The following PLA2G4A variants were observed in gnomAD, a reference collection of about 807,000 sequenced individuals.
PLA2G4A encodes cytosolic phospholipase A2.
Under a neutral mutation model 81.9 loss-of-function variants are expected in PLA2G4A, and 40 were observed. That is an observed-to-expected ratio of 0.49 (90% CI 0.38 to 0.64). The LOEUF (loss-of-function observed/expected upper bound fraction) is 0.64. PLA2G4A is among the 30% of genes least tolerant of loss of function. The pLI is 0.00. For missense variants in PLA2G4A, 715 were observed against 905.1 expected (o/e 0.79, Z 2.69); for synonymous variants, 302 against 296.9 (o/e 1.02, Z -0.18).
At chr1:186,918,703 C>G (rs893086962) in intron 7 of PLA2G4A, among the ~76,000 whole-genome samples, 1 of 152,212 alleles carries the variant, frequency 6.6e-6, no homozygotes, top group Admixed American at 6.5e-5. Context: ...GTTATGCTCG[C>G]CCGGGCTCTC....
At chr1:186,880,149 G>A (rs1464796009) in intron 3 of PLA2G4A, among the ~76,000 whole-genome samples, 2 of 152,008 alleles carry the variant, frequency 1.3e-5, no homozygotes. Context: ...AGTGTGTGGG[G>A]TAAGTGGGAA....
At chr1:186,856,970 A>C (rs1652575201) in intron 2 of PLA2G4A, among the ~76,000 whole-genome samples, 1 of 147,986 alleles carries the variant, frequency 6.8e-6, no homozygotes, top group Non-Finnish European at 1.5e-5. Context: ...ATTTCAAAAA[A>C]TATGATTATT....
At chr1:186,848,540 T>A (rs1652266362) in intron 1 of PLA2G4A, among the ~76,000 whole-genome samples, 1 of 152,174 alleles carries the variant, frequency 6.6e-6, no homozygotes, top group South Asian at 2.1e-4. Context: ...TCCTTTTTCT[T>A]TTCTTCCTTT....
chr1:186,943,356 A>T (rs942072544), intron 10 of PLA2G4A, among the ~76,000 whole-genome samples: 1 of 152,260 alleles, frequency 6.6e-6, no homozygotes, highest in Non-Finnish European at 1.5e-5. Flanking sequence ...TCCACTGGTG[A>T]ATAAACTGCA....
chr1:186,854,784 A>G (rs1399546473), intron 2 of PLA2G4A, among the ~76,000 whole-genome samples: 4 of 151,964 alleles, frequency 2.6e-5, no homozygotes, highest in Non-Finnish European at 4.4e-5. Context: ...AGGGCAATTA[A>G]TTCTATAAAC....
chr1:186,935,148 A>G (rs1390498980), intron 8 of PLA2G4A, among the ~76,000 whole-genome samples: 1 of 152,010 alleles, frequency 6.6e-6, no homozygotes, highest in African/African-American at 2.4e-5. Context: ...TGTTTTAATA[A>G]TGTTGAAAAT....
chr1:186,908,659 A>G (rs935128928), intron 6 of PLA2G4A, among the ~76,000 whole-genome samples: 7 of 152,004 alleles, frequency 4.6e-5, no homozygotes, highest in African/African-American at 1.7e-4. Context: ...TAAATAGATT[A>G]TAGTATACTA....
Position 186,950,862 on chromosome 1 carries a change from T to C in PLA2G4A, c.1336+134T>C, listed in dbSNP as rs1307279899. ...GAAGTGATAAAATTGTAGCTTTCTG[T>C]TGAGAGAGAGGATTGCATGTTGCAT... is the stretch of plus-strand genomic sequence containing the variant. On this transcript the variant is annotated intron_variant, in intron 13 of 17. Coordinates refer to ENST00000367466, the MANE Select transcript of PLA2G4A (RefSeq NM_024420.3). The C allele has an allele frequency of 4.4e-6, 3 of 681,336 alleles. No homozygotes were observed. The East Asian group carries it at 8.4e-5, about 19-fold the overall frequency. 42.2% of individuals were successfully genotyped at this position (681,336 alleles called of 1,614,324 possible).
intron 16 of PLA2G4A, among the ~76,000 whole-genome samples, chr1:186,978,330 T>C (rs1657603116): frequency 6.6e-6 from 1 of 152,168 alleles, no homozygotes; most frequent in Non-Finnish European, 1.5e-5. Flanking sequence ...CTGGAAAATG[T>C]TGATTAACCA....
chr1:186,957,007 G>A (rs1656777586), intron 14 of PLA2G4A, among the ~76,000 whole-genome samples: 1 of 151,798 alleles, frequency 6.6e-6, no homozygotes, highest in Non-Finnish European at 1.5e-5. Context: ...TGGACAACAT[G>A]GTGAAACCCC....
chr1:186,898,836 T>A (rs953959427), intron 5 of PLA2G4A, among the ~76,000 whole-genome samples: 4 of 152,230 alleles, frequency 2.6e-5, no homozygotes, highest in Non-Finnish European at 5.9e-5. Flanking sequence ...ATCTAGAGTT[T>A]AATATTTATG....
chr1:186,946,000 A>C (rs994176490), intron 10 of PLA2G4A, among the ~76,000 whole-genome samples: 2 of 152,146 alleles, frequency 1.3e-5, no homozygotes, highest in African/African-American at 4.8e-5. Context: ...GACAGAGAGA[A>C]TAATACCCAA....
intron 15 of PLA2G4A, among the ~76,000 whole-genome samples, chr1:186,976,171 A>G (rs1478098320): frequency 6.6e-6 from 1 of 152,194 alleles, no homozygotes; most frequent in Non-Finnish European, 1.5e-5. Context: ...AAAAACCATG[A>G]ATGTTTTACT....
chr1:186,943,348 C>T (rs1645732704), intron 10 of PLA2G4A, among the ~76,000 whole-genome samples: 1 of 152,144 alleles, frequency 6.6e-6, no homozygotes, highest in South Asian at 2.1e-4. Context: ...TAAAAATTTC[C>T]ACTGGTGAAT....
intron 6 of PLA2G4A, among the ~76,000 whole-genome samples, chr1:186,907,789 T>C (rs139521246): frequency 1.3e-5 from 2 of 152,252 alleles, no homozygotes; most frequent in African/African-American, 4.8e-5. Context: ...CCCTGGAACA[T>C]GTGGATTTGA....
At chr1:186,942,149 A>C (rs1656175931) in intron 10 of PLA2G4A, among the ~76,000 whole-genome samples, 1 of 152,190 alleles carries the variant, frequency 6.6e-6, no homozygotes, top group Non-Finnish European at 1.5e-5. Context: ...CTCAATGGCA[A>C]CAAGGAACCA....
At chr1:186,894,743 T>C (rs973565783) in intron 5 of PLA2G4A, among the ~76,000 whole-genome samples, 3 of 152,226 alleles carry the variant, frequency 2.0e-5, no homozygotes, top group Non-Finnish European at 4.4e-5. Context: ...GAGGTTATTG[T>C]TATCTTTGAC....
At chr1:186,941,190 A>G (rs1346189242) in intron 10 of PLA2G4A, among the ~76,000 whole-genome samples, 4 of 151,478 alleles carry the variant, frequency 2.6e-5, no homozygotes, top group Non-Finnish European at 5.9e-5. Context: ...GCACAATAGC[A>G]TTTCTGACTG....
chr1:186,858,794 G>A (rs1433256370), intron 2 of PLA2G4A, among the ~76,000 whole-genome samples: 1 of 152,018 alleles, frequency 6.6e-6, no homozygotes. Context: ...ATCAGGCTTA[G>A]ACAGCAACTA....
Sources: allele counts gnomAD v4.1 joint callset (sites outside exome capture counted in the v4.1 genomes callset), GRCh38; gene constraint gnomAD v4.1.1; transcripts MANE v1.5; gene names NCBI Gene and HGNC (gene_info 2026-07-23, HGNC 2026-07-21).